MAML3: variants seen among roughly 807,000 people sequenced by gnomAD.
The protein encoded by MAML3 is mastermind-like protein 3.
A neutral mutation model predicts 101.9 loss-of-function variants in MAML3; 27 were observed. That is an observed-to-expected ratio of 0.27 (90% CI 0.20 to 0.37). The LOEUF (loss-of-function observed/expected upper bound fraction) is 0.37. Among genes scored for constraint, MAML3 ranks in the 10% least tolerant of loss-of-function variants. The pLI, the probability that MAML3 is intolerant of heterozygous loss-of-function variation, is 1.00. For missense variants in MAML3, 1,316 were observed against 1,444.9 expected (o/e 0.91, Z 1.45); for synonymous variants, 501 against 555.9 (o/e 0.90, Z 1.39).
At chr4:139,827,660 T>A (rs889875617) in intron 2 of MAML3, among the ~76,000 whole-genome samples, 1 of 152,238 alleles carries the variant, frequency 6.6e-6, no homozygotes, top group Non-Finnish European at 1.5e-5. Flanking sequence ...AGTAATCTAA[T>A]ACTATACTAC....
At chr4:140,051,804 CAG>C (rs1416922949) in intron 1 of MAML3, among the ~76,000 whole-genome samples, 1 of 152,096 alleles carries the variant, frequency 6.6e-6, no homozygotes, top group Admixed American at 6.5e-5. Context: ...CACTGAGAAA[CAG>C]AGGAGCTCAG....
At chr4:140,147,331 T>C (rs1578709433) in intron 1 of MAML3, among the ~76,000 whole-genome samples, 2 of 152,204 alleles carry the variant, frequency 1.3e-5, no homozygotes, top group East Asian at 3.8e-4. Context: ...GTCTTTATTA[T>C]TTGTGCTAAG....
Position 140,153,516 on chromosome 4 carries a change from T to C in MAML3, c.-189A>G. 1 of 606,546 alleles carries C rather than the reference T, an allele frequency of 1.6e-6. No homozygotes were observed. Among genetic ancestry groups the C allele is most frequent in the South Asian group, 2.5e-5 (1 of 39,386 alleles). The allele number at this position is 606,546 out of a possible 1,614,324, so 37.6% of individuals were successfully genotyped here. ...AGATTTTGGGGTGGTTTTTGTTTCC[T>C]TTTTTTAAACTGTAAAAGCTCAAGG... On this transcript the variant is annotated 5_prime_UTR_variant, in exon 1 of 5. Transcript: ENST00000509479.
At chr4:139,964,700 C>CTTTA (rs933538761) in intron 1 of MAML3, among the ~76,000 whole-genome samples, 8 of 152,096 alleles carry the variant, frequency 5.3e-5, no homozygotes, top group African/African-American at 1.4e-4. Flanking sequence ...GGTCCTTTTA[C>CTTTA]TTTATTTATT....
intron 2 of MAML3, among the ~76,000 whole-genome samples, chr4:139,860,162 C>T (rs527523032): frequency 6.6e-6 from 1 of 152,384 alleles, no homozygotes; most frequent in East Asian, 1.9e-4. Flanking sequence ...CTAGCTCCCT[C>T]CCAAGCCGCA....
At chr4:139,823,598 A>T (rs987469184) in intron 2 of MAML3, among the ~76,000 whole-genome samples, 1 of 151,888 alleles carries the variant, frequency 6.6e-6, no homozygotes, top group Non-Finnish European at 1.5e-5. Context: ...ATTAAATTAG[A>T]CACATCAGCA....
At chr4:139,815,230 G>A (rs935306620) in intron 2 of MAML3, among the ~76,000 whole-genome samples, 8 of 152,186 alleles carry the variant, frequency 5.3e-5, no homozygotes, top group Non-Finnish European at 1.2e-4. Context: ...TCAGGAATAA[G>A]GGAAGGTAAG....
chr4:139,741,037 G>A (rs550502967), intron 2 of MAML3, among the ~76,000 whole-genome samples: 5 of 152,300 alleles, frequency 3.3e-5, no homozygotes, highest in African/African-American at 9.6e-5. Flanking sequence ...TTGACTATGT[G>A]ATGCTGAGGC....
intron 1 of MAML3, among the ~76,000 whole-genome samples, chr4:140,072,755 C>T (rs1727682883): frequency 6.6e-6 from 1 of 152,148 alleles, no homozygotes; most frequent in African/African-American, 2.4e-5. Flanking sequence ...ACTTTAGCAT[C>T]CCTGGATTTG....
chr4:139,974,877 G>T (rs1734300286), intron 1 of MAML3, among the ~76,000 whole-genome samples: 1 of 152,088 alleles, frequency 6.6e-6, no homozygotes, highest in Non-Finnish European at 1.5e-5. Context: ...AATGTGAAAG[G>T]GGCAGGAGGT....
At chr4:140,140,991 G>C (rs1414566703) in intron 1 of MAML3, among the ~76,000 whole-genome samples, 1 of 152,168 alleles carries the variant, frequency 6.6e-6, no homozygotes, top group Non-Finnish European at 1.5e-5. Flanking sequence ...AAATAGATGA[G>C]AACTGCTCTT....
intron 1 of MAML3, among the ~76,000 whole-genome samples, chr4:140,011,337 G>T (rs1333615042): frequency 1.6e-4 from 18 of 109,812 alleles, no homozygotes; most frequent in East Asian, 3.2e-4. Context: ...AGGTTTTCTT[G>T]TTTTGTTTTT....
At chr4:139,800,141 T>C (rs936698186) in intron 2 of MAML3, among the ~76,000 whole-genome samples, 1 of 152,190 alleles carries the variant, frequency 6.6e-6, no homozygotes, top group Non-Finnish European at 1.5e-5. Flanking sequence ...TTTTCAGACC[T>C]TAACAACTCA....
intron 2 of MAML3, among the ~76,000 whole-genome samples, chr4:139,761,383 C>T (rs1393516726): frequency 4.0e-5 from 6 of 151,556 alleles, no homozygotes; most frequent in African/African-American, 1.2e-4. Context: ...CAAAGAGAGT[C>T]TGGAGGGGGC....
chr4:139,925,087 G>T (rs769688), intron 1 of MAML3, among the ~76,000 whole-genome samples: 113,025 of 151,934 alleles, frequency 0.74, 43,228 homozygotes, highest in East Asian at 0.92. Context: ...CAAAAAGTGA[G>T]TTGAGCACAA....
At chr4:139,990,211 T>C (rs1271745619) in intron 1 of MAML3, among the ~76,000 whole-genome samples, 1 of 152,164 alleles carries the variant, frequency 6.6e-6, no homozygotes, top group East Asian at 1.9e-4. Context: ...GAAAATGAAG[T>C]GGGCTTCATT....
In MAML3 at chr4:139,952,833, A is replaced by G. The variant is rs116263268; in HGVS notation, c.469-61866T>C. 1.6e-4 allele frequency among the ~76,000 whole-genome samples: 24 copies of G among 152,308 alleles called. No individual in the cohort carries two copies. In the South Asian group the frequency reaches 3.1e-3, roughly 20 times the overall value. ...GCACATTAAAGTCAGGACTCCCCCA[A>G]ATCCCCTAGGCTATCTCTTTTCTCA... On this transcript the variant is annotated intron_variant, in intron 1 of 4. Transcript: ENST00000509479.
intron 1 of MAML3, among the ~76,000 whole-genome samples, chr4:139,968,921 G>A (rs1734187157): frequency 1.3e-5 from 2 of 152,088 alleles, no homozygotes; most frequent in African/African-American, 4.8e-5. Flanking sequence ...AGCAAGCAGA[G>A]CAGCGTGCTG....
At position 139,863,832 on chromosome 4, in the gene MAML3, G is replaced by GT. The variant is rs58270046; in HGVS notation, c.2079+25524dup. On this transcript the variant is annotated intron_variant, in intron 2 of 4. Coordinates refer to ENST00000509479, the MANE Select transcript of MAML3 (RefSeq NM_018717.5). ...TTTCTGTGGTAATACCAGAACATGGGTTTTTTTTTTTTTTTTTTTTTTTTG... is the reference window on the plus strand; with the variant it reads ...TTTCTGTGGTAATACCAGAACATGGGTTTTTTTTTTTTTTTTTTTTTTTTTG... 5.3e-3 allele frequency among the ~76,000 whole-genome samples: 585 copies of GT among 111,238 alleles called. 18 individuals are homozygous for GT. Among genetic ancestry groups the GT allele is most frequent in the East Asian group, 0.017 (39 of 2,300 alleles). The allele number at this position is 111,238 out of a possible 152,430, so 73.0% of individuals were successfully genotyped here. A position where few individuals can be genotyped will look rare whatever the true frequency, so the allele number is the denominator to read the frequency against.
Sources: allele counts gnomAD v4.1 joint callset (sites outside exome capture counted in the v4.1 genomes callset), GRCh38; gene constraint gnomAD v4.1.1; transcripts MANE v1.5; gene names NCBI Gene and HGNC (gene_info 2026-07-23, HGNC 2026-07-21).